SMCO2: variants seen among roughly 807,000 people sequenced by gnomAD.
SMCO2 encodes the protein single-pass membrane protein with coiled-coil domains 2, also known as single-pass membrane and coiled-coil domain-containing protein 2.
In SMCO2, 25 loss-of-function variants were observed where a neutral mutation model predicts 29.5. The ratio of observed to expected loss-of-function variants is 0.85; its 90% CI spans 0.62 to 1.18. The LOEUF is 1.18. Among genes scored for constraint, SMCO2 ranks in the 50% most tolerant of loss-of-function variants. The probability of loss-of-function intolerance (pLI) is 0.00; values close to 1 mark genes in which losing one functional copy is unlikely to be tolerated. For synonymous variants in SMCO2, 117 were observed against 123.3 expected, an observed-to-expected ratio of 0.95 and a Z score of 0.34; for missense variants, 348 against 344.5, an observed-to-expected ratio of 1.01 and a Z score of -0.08.
chr12:27,470,677 A>G (rs1435260482), exon 2 of SMCO2: 1 of 1,551,324 alleles, frequency 6.4e-7, no homozygotes, highest in Admixed American at 2.0e-5. Flanking sequence ...GTCTCTGCAG[A>G]TGAAGATGGA....
chr12:27,464,718 A>G (rs1315882959), upstream of SMCO2, among the ~76,000 whole-genome samples: 28 of 128,726 alleles, frequency 2.2e-4, no homozygotes, highest in Non-Finnish European at 4.3e-4. Context: ...CCCTGTCTCA[A>G]AAAAAAAAAA....
intron 1 of SMCO2, among the ~76,000 whole-genome samples, chr12:27,469,468 A>C (rs933972867): frequency 6.6e-6 from 1 of 152,150 alleles, no homozygotes; most frequent in Non-Finnish European, 1.5e-5. Flanking sequence ...TGTGATTCCC[A>C]GGGCCTCCCT....
intron 6 of SMCO2, among the ~76,000 whole-genome samples, chr12:27,494,727 A>G (rs902921324): frequency 1.3e-4 from 19 of 151,224 alleles, no homozygotes; most frequent in African/African-American, 4.1e-4. Flanking sequence ...TCATTGTTCA[A>G]CTCCCACTTA....
the SMCO2 span, among the ~76,000 whole-genome samples, chr12:27,430,495 C>T: frequency 6.6e-6 from 1 of 152,060 alleles, no homozygotes; most frequent in Non-Finnish European, 1.5e-5. Flanking sequence ...TTGCTCGAAC[C>T]CAGGAGGTTC....
rs1284541826 is a variant in SMCO2, at chr12:27,467,194, G to C, written c.-11+219G>C. Among the ~76,000 whole-genome samples the C allele has an allele frequency of 3.9e-5, 6 of 152,032 alleles. No homozygotes were observed. In the East Asian group the frequency reaches 1.2e-3, roughly 29 times the overall value. ...TCATCAACTGTCTTTTAAAATAGTT[G>C]ATTGTTCCTTGTAACTGAAACTGAT... On this transcript the variant is annotated intron_variant, in intron 1 of 7. Transcript: ENST00000298876.
the SMCO2 span, among the ~76,000 whole-genome samples, chr12:27,431,986 A>T: frequency 6.6e-6 from 1 of 152,142 alleles, no homozygotes; most frequent in Non-Finnish European, 1.5e-5. Context: ...ATGGGTGTGC[A>T]GTGATATCTC....
intron 4 of SMCO2, among the ~76,000 whole-genome samples, chr12:27,484,202 C>G (rs534762274): frequency 1.3e-5 from 2 of 152,246 alleles, no homozygotes; most frequent in Admixed American, 1.3e-4. Flanking sequence ...ACCATCCTGG[C>G]CAACATGGTG....
the SMCO2 span, among the ~76,000 whole-genome samples, chr12:27,433,527 A>ACC: frequency 4.0e-5 from 6 of 151,482 alleles, 1 homozygote; most frequent in South Asian, 1.3e-3. Context: ...ACACACACAC[A>ACC]CACACACACA....
the SMCO2 span, among the ~76,000 whole-genome samples, chr12:27,429,200 T>A: frequency 6.6e-6 from 1 of 152,166 alleles, no homozygotes; most frequent in Admixed American, 6.5e-5. Context: ...AAATTTTTTT[T>A]CTGTTTGTAA....
At chr12:27,463,636 G>T (rs1949475219), upstream of SMCO2, among the ~76,000 whole-genome samples, 1 of 152,162 alleles carries the variant, frequency 6.6e-6, no homozygotes, top group Non-Finnish European at 1.5e-5. Flanking sequence ...GCACAGAAAA[G>T]GCTCTGGGGT....
chr12:27,478,892 C>T (rs1413076300), intron 4 of SMCO2, among the ~76,000 whole-genome samples: 1 of 152,122 alleles, frequency 6.6e-6, no homozygotes, highest in Non-Finnish European at 1.5e-5. Context: ...GCACACAAGT[C>T]CCCAGTGCTA....
At chr12:27,460,332 C>G in the SMCO2 span, among the ~76,000 whole-genome samples, 3 of 152,254 alleles carry the variant, frequency 2.0e-5, no homozygotes, top group South Asian at 4.1e-4. Flanking sequence ...TTCGACTCCC[C>G]AAAACTTAAC....
At chr12:27,493,282 A>G (rs558044318) in intron 5 of SMCO2, among the ~76,000 whole-genome samples, 113 of 152,288 alleles carry the variant, frequency 7.4e-4, no homozygotes, top group African/African-American at 2.6e-3. Flanking sequence ...CCCCCATGAC[A>G]TAAGTTTACC....
intron 4 of SMCO2, among the ~76,000 whole-genome samples, chr12:27,480,158 T>G (rs1415646953): frequency 6.6e-6 from 1 of 152,244 alleles, no homozygotes; most frequent in Non-Finnish European, 1.5e-5. Context: ...GTGTCCAGCA[T>G]GGCACAGGAA....
chr12:27,456,430 A>G, the SMCO2 span, among the ~76,000 whole-genome samples: 4 of 151,988 alleles, frequency 2.6e-5, no homozygotes, highest in African/African-American at 4.8e-5. Flanking sequence ...ACAATGAAAA[A>G]CTGTTCTTAG....
chr12:27,464,643 G>C (rs1162150617), upstream of SMCO2, among the ~76,000 whole-genome samples: 2 of 150,126 alleles, frequency 1.3e-5, no homozygotes, highest in Non-Finnish European at 3.0e-5. Context: ...CTTGAGCCCA[G>C]GAGGTCGAAC....
chr12:27,499,671 G>T (rs1943054659), intron 7 of SMCO2, among the ~76,000 whole-genome samples: 1 of 150,730 alleles, frequency 6.6e-6, no homozygotes, highest in Non-Finnish European at 1.5e-5. Context: ...TGTTATATCG[G>T]AGGATTATAA....
the SMCO2 span, chr12:27,446,623 A>T: frequency 6.6e-6 from 1 of 152,120 alleles, no homozygotes; most frequent in Non-Finnish European, 1.5e-5. Flanking sequence ...TATCAAGATG[A>T]TGTTGATCCT....
chr12:27,474,698 G>A (rs1949569558), intron 3 of SMCO2, 88 bp from the exon 4 acceptor site: 9 of 1,476,036 alleles, frequency 6.1e-6, no homozygotes, highest in Admixed American at 2.1e-5. Flanking sequence ...CTTGACCCCA[G>A]CAAAGGGGGA....
Sources: allele counts gnomAD v4.1 joint callset (sites outside exome capture counted in the v4.1 genomes callset), GRCh38; gene constraint gnomAD v4.1.1; transcripts MANE v1.5; gene names NCBI Gene and HGNC (gene_info 2026-07-23, HGNC 2026-07-21).